KIF7: variants seen among roughly 807,000 people sequenced by gnomAD.
KIF7 encodes the protein kinesin-like protein KIF7.
A neutral mutation model predicts 135.7 loss-of-function variants in KIF7; 104 were observed. The observed-to-expected ratio is 0.77, with a 90% CI of 0.65 to 0.90. The LOEUF is 0.90. KIF7 is among the 40% of genes least tolerant of loss of function. KIF7 has a pLI of 0.00. For synonymous variants in KIF7, 883 were observed against 809.4 expected (o/e 1.09, Z -1.54); for missense variants, 2,005 against 1,839.1 (o/e 1.09, Z -1.65).
intron 14 of KIF7, 121 bp from the exon 15 acceptor site, chr15:89,631,831 GTTC>G: frequency 1.2e-6 from 1 of 837,746 alleles, no homozygotes. Context: ...CACTCCAAAT[GTTC>G]TGCTCAGCAG....
intron 1 of KIF7, chr15:89,619,962 T>A: frequency 8.0e-7 from 1 of 1,256,574 alleles, no homozygotes; most frequent in Non-Finnish European, 1.1e-6. Flanking sequence ...AGAATAGGTA[T>A]GTCTAGTTGA....
intron 11 of KIF7, among the ~76,000 whole-genome samples, chr15:89,638,120 C>G (rs1963847778): frequency 6.6e-6 from 1 of 151,470 alleles, no homozygotes; most frequent in Non-Finnish European, 1.5e-5. Flanking sequence ...TTCAACAACT[C>G]TCAATAAATT....
intron 16 of KIF7, 97 bp downstream of exon 16, chr15:89,630,190 G>T: frequency 8.8e-7 from 1 of 1,134,066 alleles, no homozygotes. Context: ...CCCCCAGTCT[G>T]GGAGGAAACG....
chr15:89,629,599 G>T, intron 16 of KIF7, 26 bp from the exon 17 acceptor site: 1 of 1,601,978 alleles, frequency 6.2e-7, no homozygotes, highest in East Asian at 2.2e-5. Context: ...GCCAGGCTCA[G>T]CCCTCATCAT....
intron 3 of KIF7, 39 bp downstream of exon 3, chr15:89,649,702 A>T: frequency 6.5e-7 from 1 of 1,544,056 alleles, no homozygotes. Context: ...AGCCCCCCTA[A>T]GCCCCTCTCC....
chr15:89,619,533 A>G (rs1455318458), intron 1 of KIF7, among the ~76,000 whole-genome samples: 3 of 152,170 alleles, frequency 2.0e-5, no homozygotes, highest in Non-Finnish European at 4.4e-5. Flanking sequence ...GGGACCATGT[A>G]TCAAACCCCT....
rs149378390 is a variant in KIF7, at chr15:89,630,381, G to C, written c.3224C>G (p.Ser1075Trp). 1 of 1,613,892 alleles carries C rather than the reference G, an allele frequency of 6.2e-7. No homozygotes were observed. Among genetic ancestry groups the C allele is most frequent in the African/African-American group, 1.3e-5 (1 of 74,934 alleles). Reference protein sequence around the residue: ...CRQRVLRASASLLSQCEMNLM... With the variant: ...CRQRVLRASAWLLSQCEMNLM... ...GTTCATCTCGCACTGGGACAGCAAC[G>C]AGGCTGAGGCCCGAAGCACCCGCTG... Residue 1075 changes from serine to tryptophan, a missense_variant, in exon 16 of 19, where the codon TCG becomes TGG. By Grantham distance (177) the Ser-to-Trp change is radical. Transcript: ENST00000394412.
chr15:89,639,528 AAC>A (rs1963878048), intron 11 of KIF7, among the ~76,000 whole-genome samples: 1 of 129,956 alleles, frequency 7.7e-6, no homozygotes, highest in African/African-American at 3.0e-5. Context: ...GCAGCCAAAA[AAC>A]ACATGAAAAA....
At chr15:89,618,995 G>A (rs914256105) in intron 1 of KIF7, among the ~76,000 whole-genome samples, 10 of 150,896 alleles carry the variant, frequency 6.6e-5, no homozygotes, top group Middle Eastern at 3.4e-3. Flanking sequence ...TGATGAAGGA[G>A]GGGTTTTAAA....
chr15:89,624,493 A>G, downstream of KIF7: 1 of 1,614,154 alleles, frequency 6.2e-7, no homozygotes, highest in Non-Finnish European at 8.5e-7. Context: ...CAGAAGGAGC[A>G]TCGTGGAGTG....
chr15:89,631,614 G>A lies in KIF7; in HGVS notation c.2992C>T (p.Gln998Ter), dbSNP rs1224715502. 1 of 1,561,530 alleles carries A rather than the reference G, an allele frequency of 6.4e-7. No individual in the cohort carries two copies. The highest frequency in any genetic ancestry group is 8.7e-7 in the Non-Finnish European group (1 of 1,152,084). The change falls in exon 15 of 19, where the codon CAG (glutamine) becomes TAG (stop). Residue 998 changes from glutamine to a stop codon, truncating the protein, a stop_gained. Transcript: ENST00000394412. LOFTEE classifies it high-confidence loss of function. ...KSGQLRQGSA[Q>*]SQQQIRGEID... The stretch of plus-strand genomic sequence containing the variant: ...TCCCCGCGGATCTGCTGCTGGCTCT[G>A]GGCGCTGCCCTGCCGCAGCTGCCCG...
At position 89,648,589 on chromosome 15, in the gene KIF7, C is replaced by T. The variant is rs1439252969; in HGVS notation, c.1109G>A (p.Ser370Asn). 13 of 1,523,496 alleles carry T rather than the reference C, an allele frequency of 8.5e-6. No homozygotes were observed. Among genetic ancestry groups the T allele is most frequent in the Non-Finnish European group, 1.1e-5 (13 of 1,139,416 alleles). The allele number at this position is 1,523,496 out of a possible 1,614,324, so 94.4% of individuals were successfully genotyped here. A position where few individuals can be genotyped will look rare whatever the true frequency, so the allele number is the denominator to read the frequency against. ...GTGCCGTGGCGGACCCCGCGCGCCG[C>T]TCGCCGTCTCTTCGGGTGGCCGCTC... Reference protein sequence around the residue: ...EAERPPEETASGARGPPRHRS... With the variant: ...EAERPPEETANGARGPPRHRS... Residue 370 changes from serine (S) to asparagine (N), a missense_variant, in exon 5 of 19, where the codon AGC becomes AAC. Physicochemically the swap from Ser to Asn is conservative, Grantham distance 46. Transcript: ENST00000394412.
downstream of KIF7, chr15:89,623,752 A>G: frequency 6.2e-7 from 1 of 1,614,086 alleles, no homozygotes; most frequent in Non-Finnish European, 8.5e-7. Flanking sequence ...AATGACCCCT[A>G]CAAAGCAGGC....
At position 89,652,611 on chromosome 15, in the gene KIF7, G is replaced by GCCT; in HGVS notation, c.317_319dup (p.Glu106dup). Reference sequence around the variant, plus strand: ...CGAACAGGGTCACTCACCCACACTGGCCTCCCCCATGGTGTATGTCTTCCC... The same window carrying GCCT: ...CGAACAGGGTCACTCACCCACACTGGCCTCCTCCCCCATGGTGTATGTCTTCCC... On this transcript the variant is annotated inframe_insertion, in exon 2 of 19. Coordinates refer to ENST00000394412, the MANE Select transcript of KIF7 (RefSeq NM_198525.3). The GCCT allele has an allele frequency of 6.6e-7, 1 of 1,524,646 alleles. No individual in the cohort carries two copies. The highest frequency in any genetic ancestry group is 8.9e-7 in the Non-Finnish European group (1 of 1,127,448). The allele number at this position is 1,524,646 out of a possible 1,614,324, so 94.4% of individuals were successfully genotyped here. A position where few individuals can be genotyped will look rare whatever the true frequency, so the allele number is the denominator to read the frequency against.
chr15:89,662,171 G>A, the KIF7 span, among the ~76,000 whole-genome samples: 33 of 152,230 alleles, frequency 2.2e-4, no homozygotes, highest in South Asian at 1.5e-3. Flanking sequence ...CTCCATGCCC[G>A]GAAGTCCCTT....
chr15:89,633,063 G>A (rs542939273), intron 13 of KIF7, 67 bp from the exon 14 acceptor site: 102 of 1,599,762 alleles, frequency 6.4e-5, no homozygotes, highest in Middle Eastern at 1.7e-4. Context: ...GCCGCCACTC[G>A]AGGTTCACTG....
At chr15:89,625,524 T>C, downstream of KIF7, 2 of 1,613,676 alleles carry the variant, frequency 1.2e-6, no homozygotes, top group African/African-American at 1.3e-5. Flanking sequence ...TGGAGGATTT[T>C]GAGCTCGAGG....
intron 1 of KIF7, chr15:89,618,225 T>C (rs1456654646): frequency 6.2e-7 from 1 of 1,612,946 alleles, no homozygotes; most frequent in Non-Finnish European, 8.5e-7. Flanking sequence ...GTGTTATCTC[T>C]TTTTGTTTTT....
chr15:89,645,255 T>TGGGACTGTCCCAAGGTGGCTGGCCC (rs947905666), intron 9 of KIF7, 81 bp downstream of exon 9: 3 of 1,598,344 alleles, frequency 1.9e-6, no homozygotes, highest in Non-Finnish European at 8.6e-7. Flanking sequence ...GGATGGTGGG[T>TGGGACTGTCCCAAGGTGGCTGGCCC]GGGACTGTCC....
Sources: allele counts gnomAD v4.1 joint callset (sites outside exome capture counted in the v4.1 genomes callset), GRCh38; gene constraint gnomAD v4.1.1; transcripts MANE v1.5; gene names NCBI Gene and HGNC (gene_info 2026-07-23, HGNC 2026-07-21).